Variants in SGCD observed in about 807,000 individuals in gnomAD.
The protein encoded by SGCD is sarcoglycan delta.
In SGCD, 18 loss-of-function variants were observed where a neutral mutation model predicts 36.6. That is an observed-to-expected ratio of 0.49 (90% confidence interval 0.34 to 0.73). The LOEUF is 0.73. Among genes scored for constraint, SGCD ranks in the 30% least tolerant of loss-of-function variants. SGCD has a pLI of 0.01. For synonymous variants in SGCD, 133 were observed against 130.6 expected, an observed-to-expected ratio of 1.02 and a Z score of -0.12; for missense variants, 387 against 346.7, an observed-to-expected ratio of 1.12 and a Z score of -0.92.
At chr5:155,939,095 A>G (rs890702236) in intron 1 of SGCD, among the ~76,000 whole-genome samples, 4 of 152,190 alleles carry the variant, frequency 2.6e-5, no homozygotes, top group Non-Finnish European at 5.9e-5. Context: ...AAGATAAAGA[A>G]TTCCAGTTAG....
intron 1 of SGCD, among the ~76,000 whole-genome samples, chr5:156,098,599 GTATATA>G (rs72288706): frequency 1.4e-5 from 2 of 147,542 alleles, no homozygotes; most frequent in East Asian, 4.0e-4. Flanking sequence ...GTGTGTATGT[GTATATA>G]TATATATATA....
At chr5:155,853,891 A>G in the SGCD span, among the ~76,000 whole-genome samples, 1 of 152,186 alleles carries the variant, frequency 6.6e-6, no homozygotes, top group Non-Finnish European at 1.5e-5. Flanking sequence ...CATTTTAATT[A>G]TCTGGCTTTG....
chr5:156,748,396 T>G (rs1162800813), intron 7 of SGCD, among the ~76,000 whole-genome samples: 2 of 152,186 alleles, frequency 1.3e-5, no homozygotes, highest in East Asian at 3.8e-4. Flanking sequence ...TTTTAAAAAT[T>G]TCGGTTATAT....
At chr5:155,780,470 A>G in the SGCD span, among the ~76,000 whole-genome samples, 252 of 152,264 alleles carry the variant, frequency 1.7e-3, 2 homozygotes, top group African/African-American at 5.9e-3. Flanking sequence ...TTGAAAGGAA[A>G]ATTCGAAATC....
At chr5:156,745,132 G>GTCT (rs1277375591) in intron 7 of SGCD, among the ~76,000 whole-genome samples, 2 of 152,100 alleles carry the variant, frequency 1.3e-5, no homozygotes, top group Non-Finnish European at 2.9e-5. Context: ...GAGTCTTAGA[G>GTCT]ATTTCACAGA....
intron 4 of SGCD, among the ~76,000 whole-genome samples, chr5:156,572,842 A>G (rs151236925): frequency 2.0e-3 from 297 of 152,286 alleles, no homozygotes; most frequent in African/African-American, 6.8e-3. Context: ...AGTGGAGAAT[A>G]TATGTGCTTT....
the SGCD span, among the ~76,000 whole-genome samples, chr5:155,752,485 A>G: frequency 6.6e-6 from 1 of 152,004 alleles, no homozygotes; most frequent in Non-Finnish European, 1.5e-5. Flanking sequence ...TTCTGCTCAG[A>G]GATGTTTATT....
chr5:156,628,611 A>G (rs193127981), intron 6 of SGCD, among the ~76,000 whole-genome samples: 3 of 152,236 alleles, frequency 2.0e-5, no homozygotes, highest in South Asian at 2.1e-4. Flanking sequence ...CATCTTTGAC[A>G]AGTAAAACTG....
intron 1 of SGCD, among the ~76,000 whole-genome samples, chr5:156,329,182 G>A (rs1767953252): frequency 6.6e-6 from 1 of 152,154 alleles, no homozygotes; most frequent in Non-Finnish European, 1.5e-5. Context: ...AAGAAATCCA[G>A]GACAGAGGTG....
chr5:156,597,230 A>G (rs1449753146), intron 6 of SGCD, among the ~76,000 whole-genome samples: 1 of 152,166 alleles, frequency 6.6e-6, no homozygotes, highest in African/African-American at 2.4e-5. Flanking sequence ...CATAGTCCCA[A>G]TAAATAAAAT....
intron 3 of SGCD, among the ~76,000 whole-genome samples, chr5:156,131,583 A>T (rs551892947): frequency 7.2e-4 from 110 of 152,334 alleles, no homozygotes; most frequent in African/African-American, 2.5e-3. Context: ...GTGTCTATGT[A>T]TTCACTTAAT....
intron 3 of SGCD, among the ~76,000 whole-genome samples, chr5:156,269,763 G>A (rs555033371): frequency 1.3e-5 from 2 of 152,226 alleles, no homozygotes; most frequent in South Asian, 2.1e-4. Context: ...GATGCTGGAT[G>A]TTAGACCTTT....
intron 4 of SGCD, among the ~76,000 whole-genome samples, chr5:156,516,471 A>G (rs1757174419): frequency 1.3e-5 from 2 of 152,188 alleles, no homozygotes; most frequent in Admixed American, 6.5e-5. Context: ...GAAAGCAACA[A>G]CAACATCAAC....
chr5:156,196,472 C>T (rs778667040), intron 3 of SGCD, among the ~76,000 whole-genome samples: 11 of 152,140 alleles, frequency 7.2e-5, no homozygotes, highest in Non-Finnish European at 1.2e-4. Flanking sequence ...CTTTGCACAT[C>T]AGAATTTGTG....
chr5:156,072,198 C>T (rs199906625), intron 1 of SGCD, among the ~76,000 whole-genome samples: 1 of 151,994 alleles, frequency 6.6e-6, no homozygotes, highest in Non-Finnish European at 1.5e-5. Context: ...TATTTTGCTC[C>T]TTAGTTGATG....
At chr5:156,293,041 C>T (rs1766800520) in intron 3 of SGCD, among the ~76,000 whole-genome samples, 1 of 151,862 alleles carries the variant, frequency 6.6e-6, no homozygotes, top group Admixed American at 6.6e-5. Flanking sequence ...TATTTCCTCC[C>T]ATTCTGAGGG....
intron 3 of SGCD, among the ~76,000 whole-genome samples, chr5:156,144,965 T>A (rs1193269240): frequency 6.6e-6 from 1 of 152,170 alleles, no homozygotes; most frequent in Non-Finnish European, 1.5e-5. Flanking sequence ...TGGTGAACTG[T>A]TGGGAGGGCA....
At chr5:156,533,171 G>A (rs1471550127) in intron 4 of SGCD, among the ~76,000 whole-genome samples, 1 of 152,048 alleles carries the variant, frequency 6.6e-6, no homozygotes, top group Non-Finnish European at 1.5e-5. Flanking sequence ...GGTTTCTCTG[G>A]TCATTCCTCA....
rs1197695649 is a variant in SGCD at position 156,759,303 on chromosome 5, G to A, written c.786G>A (p.Glu262=). The A allele has an allele frequency of 6.2e-6, 10 of 1,613,532 alleles. No homozygotes were observed. The highest frequency in any genetic ancestry group is 2.7e-5 in the African/African-American group (2 of 74,922). ...TPTGTRQKVF[E]ICVCANGRLF... ...CAGGAACGAGGCAGAAGGTCTTCGA[G>A]ATCTGCGTCTGCGCCAATGGGAGAT... Residue 262 remains glutamate, a synonymous_variant, in exon 9 of 9, where the codon GAG becomes GAA. Coordinates refer to ENST00000337851, the MANE Select transcript of SGCD (RefSeq NM_000337.6).
Sources: gnomAD v4.1 joint callset for allele counts (sites outside exome capture counted in the v4.1 genomes callset) on GRCh38, gnomAD v4.1.1 for gene constraint, MANE v1.5 for transcripts, NCBI Gene and HGNC (gene_info 2026-07-23, HGNC 2026-07-21) for gene names.